The following CLVS1 variants were observed in gnomAD, a reference collection of about 807,000 sequenced individuals.
The protein encoded by CLVS1 is clavesin-1.
Under a neutral mutation model 33.1 loss-of-function variants are expected in CLVS1, and 10 were observed. The observed-to-expected ratio is 0.30, with a 90% CI of 0.19 to 0.51. The LOEUF (loss-of-function observed/expected upper bound fraction) is 0.51, where lower values mean the gene tolerates loss of function less well. Among genes scored for constraint, CLVS1 ranks in the 20% least tolerant of loss-of-function variants. The pLI, the probability that CLVS1 is intolerant of heterozygous loss-of-function variation, is 0.97. For synonymous variants in CLVS1, 163 were observed against 166.1 expected (o/e 0.98, Z 0.14); for missense variants, 343 against 433.4 (o/e 0.79, Z 1.85).
intron 5 of CLVS1, among the ~76,000 whole-genome samples, chr8:61,470,052 C>A (rs924541971): frequency 5.3e-5 from 8 of 152,142 alleles, no homozygotes; most frequent in Admixed American, 3.9e-4. Flanking sequence ...CCACAGATGC[C>A]AATAGGAATT....
Position 61,334,862 on chromosome 8 carries a change from A to C in CLVS1, c.455+34580A>C, listed in dbSNP as rs569621507. On this transcript the variant is annotated intron_variant, in intron 2 of 5. Transcript: ENST00000325897. ...CATCAAGACAGGGGAATTGCAATAGAGAAAGAGTAATTCACGCAGAGCTGG... is the reference window on the plus strand; with the variant it reads ...CATCAAGACAGGGGAATTGCAATAGCGAAAGAGTAATTCACGCAGAGCTGG... Among the ~76,000 whole-genome samples, 8 of 152,310 alleles carry C rather than the reference A, an allele frequency of 5.3e-5. No individual in the cohort carries two copies. In the South Asian group the frequency reaches 1.7e-3, roughly 32 times the overall value.
Position 61,133,220 on chromosome 8 carries a change from C to G in CLVS1, c.-152+1360C>G, listed in dbSNP as rs999331717. Among the ~76,000 whole-genome samples, 9 of 152,224 alleles carry G rather than the reference C, an allele frequency of 5.9e-5. No individual in the cohort carries two copies. In the East Asian group the frequency reaches 1.5e-3, roughly 26 times the overall value. On this transcript the variant is annotated intron_variant, in intron 2 of 2. Transcript: ENST00000522621. ...CAAACAATGTCAATGGAGTTCAACA[C>G]ATGGCCACAATAGACAGCTGTAAAA...
At chr8:61,167,872 G>T (rs1806912234) in intron 2 of CLVS1, among the ~76,000 whole-genome samples, 1 of 152,146 alleles carries the variant, frequency 6.6e-6, no homozygotes, top group South Asian at 2.1e-4. Flanking sequence ...GGCAATGTCA[G>T]AAAGTTATCC....
chr8:61,357,410 G>A (rs1308715014), intron 2 of CLVS1, among the ~76,000 whole-genome samples: 1 of 150,106 alleles, frequency 6.7e-6, no homozygotes, highest in African/African-American at 2.4e-5. Flanking sequence ...GAATCAAATG[G>A]TAAGTATATC....
chr8:61,180,239 G>T (rs1172326985), intron 2 of CLVS1, among the ~76,000 whole-genome samples: 1 of 152,066 alleles, frequency 6.6e-6, no homozygotes, highest in Non-Finnish European at 1.5e-5. Context: ...AGAAAATCTA[G>T]AAGAAATGGA....
At chr8:61,428,067 A>G (rs1020093734) in intron 3 of CLVS1, among the ~76,000 whole-genome samples, 3 of 152,372 alleles carry the variant, frequency 2.0e-5, no homozygotes, top group Non-Finnish European at 2.9e-5. Flanking sequence ...TCTTTATTTT[A>G]ACAGGAGATA....
At chr8:61,086,860 C>T (rs1330693229) in intron 1 of CLVS1, among the ~76,000 whole-genome samples, 1 of 152,162 alleles carries the variant, frequency 6.6e-6, no homozygotes, top group East Asian at 1.9e-4. Context: ...TGCTTTCACC[C>T]CTGTATCCAG....
At chr8:60,982,877 G>A in the CLVS1 span, among the ~76,000 whole-genome samples, 3 of 152,128 alleles carry the variant, frequency 2.0e-5, no homozygotes, top group Non-Finnish European at 4.4e-5. Context: ...GTTTAAGGCT[G>A]CAGTGAACCA....
intron 2 of CLVS1, among the ~76,000 whole-genome samples, chr8:61,336,939 T>C (rs967126487): frequency 2.0e-5 from 3 of 152,232 alleles, no homozygotes; most frequent in African/African-American, 7.2e-5. Context: ...GAATAGGTTA[T>C]GGCAAAAAGA....
At chr8:61,294,726 T>C (rs1810129391) in intron 1 of CLVS1, among the ~76,000 whole-genome samples, 1 of 141,858 alleles carries the variant, frequency 7.0e-6, no homozygotes, top group Non-Finnish European at 1.5e-5. Flanking sequence ...AATTCTGACC[T>C]TTTCCTGATA....
intron 2 of CLVS1, among the ~76,000 whole-genome samples, chr8:61,354,090 T>A (rs947480451): frequency 6.6e-6 from 1 of 152,044 alleles, no homozygotes; most frequent in Non-Finnish European, 1.5e-5. Flanking sequence ...GTTGAATTCA[T>A]AAATTTAAAA....
At chr8:61,463,925 T>C (rs10087401) in intron 5 of CLVS1, among the ~76,000 whole-genome samples, 94,460 of 151,382 alleles carry the variant, frequency 0.62, 34,104 homozygotes, top group Non-Finnish European at 0.79. Context: ...AAAAAAAAAT[T>C]AGCCAGGTTT....
intron 4 of CLVS1, 102 bp downstream of exon 4, chr8:61,454,353 C>G (rs1303803205): frequency 1.1e-6 from 1 of 879,174 alleles, no homozygotes; most frequent in Non-Finnish European, 1.9e-6. Flanking sequence ...CTCTCTTTCT[C>G]TCTTTATCTT....
At chr8:61,438,482 T>G (rs1452133914) in intron 3 of CLVS1, among the ~76,000 whole-genome samples, 1 of 152,228 alleles carries the variant, frequency 6.6e-6, no homozygotes, top group African/African-American at 2.4e-5. Context: ...AGTGCTGCAG[T>G]GAACATACAA....
intron 2 of CLVS1, among the ~76,000 whole-genome samples, chr8:61,250,289 GT>G (rs1808908988): frequency 6.6e-6 from 1 of 152,062 alleles, no homozygotes; most frequent in African/African-American, 2.4e-5. Flanking sequence ...CTCTATTTTG[GT>G]ATCAGTACCA....
chr8:61,407,843 A>T (rs527901292), intron 3 of CLVS1, among the ~76,000 whole-genome samples: 3 of 152,232 alleles, frequency 2.0e-5, no homozygotes, highest in Non-Finnish European at 4.4e-5. Context: ...GCCAAGCCAG[A>T]GTCTTTTCTT....
intron 2 of CLVS1, among the ~76,000 whole-genome samples, chr8:61,244,015 C>A (rs1400545479): frequency 6.6e-6 from 1 of 152,106 alleles, no homozygotes; most frequent in Non-Finnish European, 1.5e-5. Context: ...CAAATCAATA[C>A]TTGTTATGCT....
intron 2 of CLVS1, among the ~76,000 whole-genome samples, chr8:61,188,766 G>A (rs544456359): frequency 1.8e-4 from 28 of 151,970 alleles, no homozygotes; most frequent in Non-Finnish European, 2.6e-4. Flanking sequence ...AAGAAGGTAA[G>A]TTATGGAGCA....
intron 2 of CLVS1, among the ~76,000 whole-genome samples, chr8:61,252,741 C>G (rs186561162): frequency 2.6e-5 from 4 of 152,298 alleles, no homozygotes; most frequent in Admixed American, 6.5e-5. Context: ...AATCGCAACT[C>G]CTGCTTTTTC....
Sources: gnomAD v4.1 joint callset for allele counts (sites outside exome capture counted in the v4.1 genomes callset) on GRCh38, gnomAD v4.1.1 for gene constraint, MANE v1.5 for transcripts, NCBI Gene and HGNC (gene_info 2026-07-23, HGNC 2026-07-21) for gene names.